The following KCNN2 variants were observed in gnomAD, a reference collection of about 807,000 sequenced individuals.
KCNN2 encodes the protein small conductance calcium-activated potassium channel protein 2.
In KCNN2, 24 loss-of-function variants were observed where a neutral mutation model predicts 55.5. The ratio of observed to expected loss-of-function variants is 0.43; its 90% CI spans 0.31 to 0.61. The LOEUF is 0.61. Among genes scored for constraint, KCNN2 ranks in the 20% least tolerant of loss-of-function variants. KCNN2 has a pLI of 0.08. For missense variants in KCNN2, 754 were observed against 853.6 expected (o/e 0.88, Z 1.45); for synonymous variants, 431 against 336.1 (o/e 1.28, Z -3.09).
intron 1 of KCNN2, among the ~76,000 whole-genome samples, chr5:114,207,304 T>C (rs1049625476): frequency 6.6e-6 from 1 of 152,210 alleles, no homozygotes; most frequent in African/African-American, 2.4e-5. Context: ...TTTTTGTTGA[T>C]GAATAAACTG....
At chr5:114,182,290 T>C (rs541812806) in intron 1 of KCNN2, among the ~76,000 whole-genome samples, 5 of 152,258 alleles carry the variant, frequency 3.3e-5, no homozygotes, top group Admixed American at 6.5e-5. Context: ...TTTATTACTC[T>C]AGCTTTATAG....
chr5:114,241,742 G>A lies in KCNN2; in HGVS notation c.-185+20177G>A, dbSNP rs1393538634. Among the ~76,000 whole-genome samples the A allele has an allele frequency of 7.3e-3, 116 of 15,904 alleles. 12 individuals carry two copies. Among genetic ancestry groups the A allele is most frequent in the African/African-American group, 0.018 (56 of 3,060 alleles). The allele number at this position is 15,904 out of a possible 152,430, so 10.4% of individuals were successfully genotyped here. A position where few individuals can be genotyped will look rare whatever the true frequency, so the allele number is the denominator to read the frequency against. The stretch of plus-strand genomic sequence containing the variant: ...TATACGTATATATATACATATATAC[G>A]TATATATATGTATATATATACGTAT... On this transcript the variant is annotated intron_variant, in intron 2 of 10. Transcript: ENST00000512097.
intron 1 of KCNN2, among the ~76,000 whole-genome samples, chr5:114,080,729 C>G (rs962675893): frequency 6.6e-6 from 1 of 151,984 alleles, no homozygotes; most frequent in African/African-American, 2.4e-5. Context: ...GAACATGATA[C>G]TCAATAATGA....
At chr5:114,139,459 AC>A (rs141649479) in intron 1 of KCNN2, among the ~76,000 whole-genome samples, 6 of 140,640 alleles carry the variant, frequency 4.3e-5, no homozygotes, top group Non-Finnish European at 6.3e-5. Context: ...TCACACAACC[AC>A]CCCCCCCACA....
chr5:114,363,658 C>T (rs1757517129), intron 1 of KCNN2, among the ~76,000 whole-genome samples: 1 of 152,174 alleles, frequency 6.6e-6, no homozygotes, highest in Non-Finnish European at 1.5e-5. Flanking sequence ...TCGCTTCGGT[C>T]CTCTATGGCG....
chr5:114,382,635 C>T (rs904080742), intron 2 of KCNN2, among the ~76,000 whole-genome samples: 2 of 152,178 alleles, frequency 1.3e-5, no homozygotes, highest in Non-Finnish European at 2.9e-5. Flanking sequence ...GAAAAGCCAC[C>T]CAAGACAATA....
intron 1 of KCNN2, among the ~76,000 whole-genome samples, chr5:114,065,858 T>G (rs1021429321): frequency 1.9e-3 from 213 of 110,062 alleles, no homozygotes; most frequent in African/African-American, 7.0e-3. Flanking sequence ...TTTTTTTTTT[T>G]TTTTTTTTTT....
chr5:114,136,113 C>T (rs1752168653), intron 1 of KCNN2, among the ~76,000 whole-genome samples: 1 of 152,154 alleles, frequency 6.6e-6, no homozygotes, highest in African/African-American at 2.4e-5. Context: ...CAAACCAAAG[C>T]ATAGCATCAT....
At chr5:114,074,923 A>G (rs539022326) in intron 1 of KCNN2, among the ~76,000 whole-genome samples, 8 of 152,322 alleles carry the variant, frequency 5.3e-5, no homozygotes, top group African/African-American at 1.9e-4. Context: ...AGTGAGTTGA[A>G]GTTCTGGAAC....
intron 2 of KCNN2, among the ~76,000 whole-genome samples, chr5:114,364,803 C>CT (rs1290007954): frequency 6.6e-6 from 1 of 151,676 alleles, no homozygotes; most frequent in Non-Finnish European, 1.5e-5. Flanking sequence ...TAGATTGGGA[C>CT]TTTTTTCAGC....
At chr5:114,465,463 T>A (rs1182993691) in intron 4 of KCNN2, among the ~76,000 whole-genome samples, 1 of 152,006 alleles carries the variant, frequency 6.6e-6, no homozygotes, top group African/African-American at 2.4e-5. Context: ...AAATACAGAA[T>A]TAGCCAGGTG....
chr5:114,467,732 C>T (rs1761523408), intron 4 of KCNN2, among the ~76,000 whole-genome samples: 2 of 151,888 alleles, frequency 1.3e-5, no homozygotes, highest in Admixed American at 6.6e-5. Flanking sequence ...TGCCGTCTTC[C>T]GGGTACAGGA....
At chr5:114,180,206 A>G (rs1167089321) in intron 1 of KCNN2, among the ~76,000 whole-genome samples, 1 of 152,162 alleles carries the variant, frequency 6.6e-6, no homozygotes, top group Non-Finnish European at 1.5e-5. Context: ...AAATCCATAT[A>G]GACATTTTTT....
chr5:114,435,096 T>G (rs1451910719), intron 3 of KCNN2, among the ~76,000 whole-genome samples: 1 of 152,176 alleles, frequency 6.6e-6, no homozygotes, highest in Non-Finnish European at 1.5e-5. Flanking sequence ...GATGCCACTC[T>G]CTACCCGTCA....
chr5:114,450,975 A>G (rs1052497901), intron 3 of KCNN2, among the ~76,000 whole-genome samples: 1 of 152,238 alleles, frequency 6.6e-6, no homozygotes, highest in Non-Finnish European at 1.5e-5. Context: ...TTTTCAAATA[A>G]TGTAATTTTC....
intron 1 of KCNN2, among the ~76,000 whole-genome samples, chr5:114,154,812 G>C (rs143054540): frequency 6.6e-6 from 1 of 152,188 alleles, no homozygotes; most frequent in Non-Finnish European, 1.5e-5. Context: ...TACTAGGGTT[G>C]ATCAGACAAT....
intron 1 of KCNN2, among the ~76,000 whole-genome samples, chr5:114,187,259 A>G (rs1367129845): frequency 2.0e-5 from 3 of 151,868 alleles, no homozygotes; most frequent in Admixed American, 1.3e-4. Flanking sequence ...CTGGGATGAC[A>G]CAGTTAAAAC....
chr5:114,486,699 G>A (rs1172732128), intron 5 of KCNN2: 1 of 1,279,798 alleles, frequency 7.8e-7, no homozygotes, highest in Admixed American at 2.3e-5. Flanking sequence ...TTTCTGCAGG[G>A]AAAGGAAGAT....
intron 1 of KCNN2, among the ~76,000 whole-genome samples, chr5:114,180,901 A>G (rs755464399): frequency 2.6e-5 from 4 of 152,210 alleles, no homozygotes; most frequent in Non-Finnish European, 4.4e-5. Flanking sequence ...ACTCTTTTGT[A>G]TAATGCTTCT....
Sources: gnomAD v4.1 joint callset for allele counts (sites outside exome capture counted in the v4.1 genomes callset) on GRCh38, gnomAD v4.1.1 for gene constraint, MANE v1.5 for transcripts, NCBI Gene and HGNC (gene_info 2026-07-23, HGNC 2026-07-21) for gene names.